The following LINGO2 variants were observed in gnomAD, a reference collection of about 807,000 sequenced individuals.
The protein encoded by LINGO2 is leucine rich repeat and Ig domain containing 2, also known as leucine-rich repeat and immunoglobulin-like domain-containing nogo receptor-interacting protein 2.
Under a neutral mutation model 30.6 loss-of-function variants are expected in LINGO2, and 14 were observed. The observed-to-expected ratio is 0.46, with a 90% confidence interval of 0.30 to 0.72. The LOEUF (loss-of-function observed/expected upper bound fraction) is 0.72, where lower values mean the gene tolerates loss of function less well. Among genes scored for constraint, LINGO2 ranks in the 30% least tolerant of loss-of-function variants. The probability of loss-of-function intolerance (pLI) is 0.07; values close to 1 mark genes in which losing one functional copy is unlikely to be tolerated. For missense variants in LINGO2, 729 were observed against 751.7 expected (o/e 0.97, Z 0.35); for synonymous variants, 317 against 288.5 (o/e 1.10, Z -1.00).
chr9:29,096,398 G>T, the LINGO2 span, among the ~76,000 whole-genome samples: 1 of 139,746 alleles, frequency 7.2e-6, no homozygotes, highest in Non-Finnish European at 1.6e-5. Context: ...CGATTCTCAT[G>T]CCTCAGCCTC....
the LINGO2 span, among the ~76,000 whole-genome samples, chr9:29,135,302 G>A: frequency 6.6e-6 from 1 of 152,048 alleles, no homozygotes; most frequent in Non-Finnish European, 1.5e-5. Context: ...GCTCACTCCT[G>A]TAATCCCAGC....
intron 1 of LINGO2, among the ~76,000 whole-genome samples, chr9:28,511,156 T>C (rs1348206459): frequency 1.3e-5 from 2 of 152,172 alleles, no homozygotes; most frequent in Non-Finnish European, 2.9e-5. Context: ...ATCAAGTTGA[T>C]GCTTAGTATT....
intron 4 of LINGO2, among the ~76,000 whole-genome samples, chr9:28,132,179 T>G (rs1827395613): frequency 6.6e-6 from 1 of 152,218 alleles, no homozygotes; most frequent in Non-Finnish European, 1.5e-5. Flanking sequence ...CAAAATCTTT[T>G]GCATATTATG....
At chr9:28,031,456 A>G (rs776220023) in intron 4 of LINGO2, among the ~76,000 whole-genome samples, 1 of 150,230 alleles carries the variant, frequency 6.7e-6, no homozygotes, top group African/African-American at 2.5e-5. Context: ...GAATGATTAA[A>G]TCAATCTAAT....
the LINGO2 span, among the ~76,000 whole-genome samples, chr9:28,978,183 C>T: frequency 3.3e-5 from 5 of 152,016 alleles, no homozygotes; most frequent in Non-Finnish European, 5.9e-5. Context: ...CCCTGAAACC[C>T]AAAGTCATTA....
At chr9:28,450,683 C>T (rs373954753) in intron 2 of LINGO2, among the ~76,000 whole-genome samples, 10 of 152,134 alleles carry the variant, frequency 6.6e-5, no homozygotes, top group Admixed American at 3.9e-4. Flanking sequence ...TTTCTGCTAC[C>T]ATCAATCCAT....
At chr9:28,052,038 C>G (rs1183609082) in intron 4 of LINGO2, among the ~76,000 whole-genome samples, 6 of 152,022 alleles carry the variant, frequency 3.9e-5, no homozygotes, top group South Asian at 2.1e-4. Context: ...GCACTATGCT[C>G]TCTGCGTTCT....
chr9:28,189,292 G>GAAGA (rs1819670659), intron 4 of LINGO2, among the ~76,000 whole-genome samples: 1 of 41,648 alleles, frequency 2.4e-5, no homozygotes, highest in Non-Finnish European at 5.8e-5. Context: ...AGGGAGGGAG[G>GAAGA]AAGGAAGGAA....
chr9:28,717,877 A>G, the LINGO2 span, among the ~76,000 whole-genome samples: 6 of 152,092 alleles, frequency 3.9e-5, no homozygotes, highest in East Asian at 1.2e-3. Flanking sequence ...GATAGTCAAT[A>G]TATCCTATTA....
intron 2 of LINGO2, among the ~76,000 whole-genome samples, chr9:28,433,433 C>T (rs1164504542): frequency 1.3e-5 from 2 of 152,026 alleles, no homozygotes; most frequent in Non-Finnish European, 2.9e-5. Flanking sequence ...AAGAAACGTC[C>T]CCTCTACTTA....
rs1563878683 is a variant in LINGO2, at chr9:28,632,752, CTATATATATAGATT to C, written c.-365+37434_-365+37447del. On this transcript the variant is annotated intron_variant, in intron 1 of 5. Coordinates refer to ENST00000379992, the Ensembl canonical transcript of LINGO2. ...TAGATCTATATATTTATATATAGAT[CTATATATATAGATT>C]TATATATTATATATCGATTTATATT... Among the ~76,000 whole-genome samples the C allele has an allele frequency of 5.8e-3, 615 of 106,900 alleles. 7 individuals are homozygous for C. Among genetic ancestry groups the C allele is most frequent in the African/African-American group, 0.021 (599 of 28,986 alleles). 70.1% of individuals were successfully genotyped at this position (106,900 alleles called of 152,430 possible).
intron 1 of LINGO2, among the ~76,000 whole-genome samples, chr9:28,600,992 C>T (rs993440804): frequency 6.6e-6 from 1 of 152,154 alleles, no homozygotes; most frequent in South Asian, 2.1e-4. Flanking sequence ...ATGTTTTGCT[C>T]CAAAATAAAC....
At chr9:28,608,368 C>T (rs1825779707) in intron 1 of LINGO2, among the ~76,000 whole-genome samples, 1 of 151,828 alleles carries the variant, frequency 6.6e-6, no homozygotes, top group African/African-American at 2.4e-5. Context: ...AGAGTTTGAA[C>T]TTAAGATTGA....
chr9:28,478,125 C>T (rs1183753960), intron 1 of LINGO2, among the ~76,000 whole-genome samples: 3 of 152,104 alleles, frequency 2.0e-5, no homozygotes, highest in African/African-American at 4.8e-5. Flanking sequence ...ATTATCGCTC[C>T]TCCTCACTGA....
chr9:29,135,168 TC>T, the LINGO2 span, among the ~76,000 whole-genome samples: 1 of 152,192 alleles, frequency 6.6e-6, no homozygotes, highest in Non-Finnish European at 1.5e-5. Flanking sequence ...ATTAATTGTT[TC>T]AGTTACTAAT....
chr9:28,546,049 A>G (rs1821921750), intron 1 of LINGO2, among the ~76,000 whole-genome samples: 1 of 152,092 alleles, frequency 6.6e-6, no homozygotes, highest in Admixed American at 6.6e-5. Flanking sequence ...AGAAAGACAA[A>G]TACTTCATGA....
chr9:28,339,103 T>C (rs1490380545), intron 3 of LINGO2, among the ~76,000 whole-genome samples: 3 of 152,184 alleles, frequency 2.0e-5, no homozygotes, highest in African/African-American at 4.8e-5. Flanking sequence ...AATGAGATTC[T>C]ATTTACTCTT....
Position 28,529,179 on chromosome 9 carries a change from G to A in LINGO2, c.-364-53154C>T, listed in dbSNP as rs142575225. Among the ~76,000 whole-genome samples the A allele has an allele frequency of 6.4e-3, 971 of 152,122 alleles. 11 individuals are homozygous for A. Among genetic ancestry groups the A allele is most frequent in the African/African-American group, 0.022 (893 of 41,516 alleles). On this transcript the variant is annotated intron_variant, in intron 1 of 5. Transcript: ENST00000379992. The stretch of plus-strand genomic sequence containing the variant: ...ACCCATTCTCCTTCCAGTACCTCAG[G>A]CAGAGTTATGGGAAAGTGAAATAAA...
intron 4 of LINGO2, among the ~76,000 whole-genome samples, chr9:28,225,207 T>G (rs1380099782): frequency 6.6e-6 from 1 of 152,070 alleles, no homozygotes; most frequent in African/African-American, 2.4e-5. Flanking sequence ...GAGAAACCGA[T>G]TAGCAAGAAA....
Sources: gnomAD v4.1 joint callset for allele counts (sites outside exome capture counted in the v4.1 genomes callset) on GRCh38, gnomAD v4.1.1 for gene constraint, MANE v1.5 for transcripts, NCBI Gene and HGNC (gene_info 2026-07-23, HGNC 2026-07-21) for gene names.